The following DEPDC5 variants were observed in gnomAD, a reference collection of about 807,000 sequenced individuals.
DEPDC5 encodes DEP domain containing 5, GATOR1 subcomplex subunit.
A neutral mutation model predicts 217.3 loss-of-function variants in DEPDC5; 73 were observed. That is an observed-to-expected ratio of 0.34 (90% CI 0.28 to 0.41). DEPDC5 has a LOEUF of 0.41. Among genes scored for constraint, DEPDC5 ranks in the 10% least tolerant of loss-of-function variants. DEPDC5 has a pLI of 1.00. For missense variants in DEPDC5, 1,675 were observed against 2,070.1 expected, an observed-to-expected ratio of 0.81 and a Z score of 3.70; for synonymous variants, 733 against 756.7, an observed-to-expected ratio of 0.97 and a Z score of 0.51.
intron 10 of DEPDC5, among the ~76,000 whole-genome samples, chr22:31,785,462 A>G (rs998446423): frequency 6.6e-6 from 1 of 152,224 alleles, no homozygotes; most frequent in African/African-American, 2.4e-5. Context: ...AAAGGAGTTA[A>G]TGAAGACCTA....
At chr22:31,758,523 G>A (rs2082121974) in intron 2 of DEPDC5, 23 bp from the exon 3 acceptor site, 1 of 1,609,998 alleles carries the variant, frequency 6.2e-7, no homozygotes, top group South Asian at 1.1e-5. Context: ...TTTTCTACTT[G>A]AAGTGGCTGA....
intron 39 of DEPDC5, 68 bp downstream of exon 39, chr22:31,893,819 G>A (rs1039306249): frequency 5.7e-6 from 8 of 1,414,224 alleles, no homozygotes; most frequent in Non-Finnish European, 7.4e-6. Context: ...ATGCTTGATA[G>A]AGATTCATGT....
At chr22:31,870,501 A>ATTGTGAATG (rs2092810683) in intron 33 of DEPDC5, 89 bp from the exon 34 acceptor site, 24 of 1,327,246 alleles carry the variant, frequency 1.8e-5, no homozygotes, top group Non-Finnish European at 2.2e-5. Flanking sequence ...GTGAATGCTT[A>ATTGTGAATG]CTGAGTGAAT....
chr22:31,787,986 C>T (rs1215720497), intron 10 of DEPDC5, among the ~76,000 whole-genome samples: 1 of 151,930 alleles, frequency 6.6e-6, no homozygotes, highest in Non-Finnish European at 1.5e-5. Context: ...AAGGCTGCCC[C>T]ATTCACCATG....
intron 38 of DEPDC5, among the ~76,000 whole-genome samples, chr22:31,890,163 A>T (rs1305300369): frequency 2.0e-5 from 3 of 152,122 alleles, no homozygotes; most frequent in Admixed American, 1.3e-4. Context: ...GTCTCTATGA[A>T]CCATCTGGGC....
intron 34 of DEPDC5, 79 bp from the exon 35 acceptor site, chr22:31,873,176 T>C (rs1487124210): frequency 1.6e-5 from 25 of 1,609,634 alleles, no homozygotes; most frequent in Non-Finnish European, 2.1e-5. Context: ...CCATAGGAAG[T>C]GGAGACTGTT....
intron 36 of DEPDC5, chr22:31,875,876 ACCC>A: frequency 3.7e-6 from 1 of 272,340 alleles, no homozygotes; most frequent in Non-Finnish European, 7.0e-6. Flanking sequence ...CAAGTGATCC[ACCC>A]CCCTCAGCCT....
At chr22:31,838,933 T>G in intron 27 of DEPDC5, 88 bp downstream of exon 27, 1 of 1,384,864 alleles carries the variant, frequency 7.2e-7, no homozygotes, top group Non-Finnish European at 9.8e-7. Flanking sequence ...GTAGATAAAT[T>G]TAGTAGTAAT....
At chr22:31,888,022 T>G (rs953489636) in intron 38 of DEPDC5, among the ~76,000 whole-genome samples, 3 of 152,182 alleles carry the variant, frequency 2.0e-5, no homozygotes, top group African/African-American at 7.2e-5. Context: ...CTTAGGATAC[T>G]CAGTTGGAAG....
chr22:31,849,137 C>T (rs1176882728), intron 31 of DEPDC5, among the ~76,000 whole-genome samples: 1 of 152,158 alleles, frequency 6.6e-6, no homozygotes, highest in Non-Finnish European at 1.5e-5. Context: ...TGGGAAGTTC[C>T]AAACTTTCCC....
At chr22:31,866,603 C>T (rs1191503382) in intron 33 of DEPDC5, among the ~76,000 whole-genome samples, 1 of 152,188 alleles carries the variant, frequency 6.6e-6, no homozygotes, top group Non-Finnish European at 1.5e-5. Context: ...CCAGGATGGT[C>T]TCCATCTCCT....
chr22:31,823,036 T>G, intron 24 of DEPDC5: 1 of 445,372 alleles, frequency 2.2e-6, no homozygotes, highest in East Asian at 4.7e-5. Context: ...GAGTTGTGAT[T>G]GAGGGCAGCT....
At chr22:31,839,053 T>C (rs957198223) in intron 27 of DEPDC5, among the ~76,000 whole-genome samples, 1 of 152,202 alleles carries the variant, frequency 6.6e-6, no homozygotes, top group African/African-American at 2.4e-5. Flanking sequence ...ACTCTCCCTT[T>C]AAGGCAGTGG....
chr22:31,786,692 A>G (rs2085029190), intron 10 of DEPDC5, among the ~76,000 whole-genome samples: 1 of 151,622 alleles, frequency 6.6e-6, no homozygotes. Context: ...GTAACCTGAA[A>G]TTCCTGTGCT....
At chr22:31,806,247 G>A in intron 18 of DEPDC5, 56 bp downstream of exon 18, 1 of 1,477,754 alleles carries the variant, frequency 6.8e-7, no homozygotes, top group South Asian at 1.2e-5. Context: ...GTCTTATCTT[G>A]AGCTCCTGGA....
At chr22:31,833,523 C>T (rs560491048) in intron 24 of DEPDC5, among the ~76,000 whole-genome samples, 44 of 152,170 alleles carry the variant, frequency 2.9e-4, no homozygotes, top group South Asian at 6.2e-4. Flanking sequence ...CTCACTCTGT[C>T]GTCGCCCAGG....
chr22:31,835,696 C>G (rs16985215), intron 25 of DEPDC5, among the ~76,000 whole-genome samples: 3,515 of 152,278 alleles, frequency 0.023, 120 homozygotes, highest in African/African-American at 0.073. Flanking sequence ...CTCACCTTCT[C>G]GGCTGCCATA....
At chr22:31,761,515 A>C (rs1367228946) in intron 4 of DEPDC5, among the ~76,000 whole-genome samples, 2 of 149,094 alleles carry the variant, frequency 1.3e-5, no homozygotes, top group African/African-American at 4.9e-5. Flanking sequence ...GTTGCCACTA[A>C]AAAAAAAATT....
At chr22:31,861,512 C>A in intron 33 of DEPDC5, 79 bp downstream of exon 33, 1 of 1,452,400 alleles carries the variant, frequency 6.9e-7, no homozygotes, top group Non-Finnish European at 9.4e-7. Context: ...GCTCTGAACA[C>A]ATGGAATTGG....
Sources: gnomAD v4.1 joint callset for allele counts (sites outside exome capture counted in the v4.1 genomes callset) on GRCh38, gnomAD v4.1.1 for gene constraint, MANE v1.5 for transcripts, NCBI Gene and HGNC (gene_info 2026-07-23, HGNC 2026-07-21) for gene names.